Variants in RHBDD1 observed in about 807,000 individuals in gnomAD.
RHBDD1 encodes the protein rhomboid domain containing 1.
A neutral mutation model predicts 36.3 loss-of-function variants in RHBDD1; 38 were observed. That is an observed-to-expected ratio of 1.05 (90% CI 0.81 to 1.37). RHBDD1 has a LOEUF of 1.37. Among genes scored for constraint, RHBDD1 ranks in the 40% most tolerant of loss-of-function variants. The pLI, the probability that RHBDD1 is intolerant of heterozygous loss-of-function variation, is 0.00. For synonymous variants in RHBDD1, 151 were observed against 136.5 expected (o/e 1.11, Z -0.74); for missense variants, 393 against 377.6 (o/e 1.04, Z -0.34).
chr2:226,947,611 T>C (rs1951075983), intron 8 of RHBDD1, among the ~76,000 whole-genome samples: 1 of 152,156 alleles, frequency 6.6e-6, no homozygotes, highest in South Asian at 2.1e-4. Flanking sequence ...CATATGAACT[T>C]TAAAGTAGTT....
chr2:226,944,289 G>A (rs577162677), intron 8 of RHBDD1, among the ~76,000 whole-genome samples: 1 of 152,230 alleles, frequency 6.6e-6, no homozygotes, highest in African/African-American at 2.4e-5. Context: ...TTTTTAAAAC[G>A]AAAATAAAAA....
chr2:226,892,300 A>G (rs982669233), intron 5 of RHBDD1, among the ~76,000 whole-genome samples: 15 of 152,202 alleles, frequency 9.9e-5, no homozygotes, highest in African/African-American at 3.6e-4. Context: ...TCTGTTTTTC[A>G]TAGTCAGAAT....
At position 226,865,017 on chromosome 2, in the gene RHBDD1, C is replaced by G; in HGVS notation, c.324C>G (p.Ile108Met). Residue 108 changes from isoleucine to methionine, a missense_variant, in exon 4 of 9, where the codon ATC becomes ATG. Ile to Met is a conservative substitution (Grantham distance 10, BLOSUM62 1). Transcript: ENST00000392062. ...GAAGTAGATGGTTTGCCTATGTTAT[C>G]ACCGCATTTTCTGTACTTACTGGAG... is the stretch of plus-strand genomic sequence containing the variant. ...RLGSRWFAYV[I>M]TAFSVLTGVV... The G allele has an allele frequency of 6.2e-7, 1 of 1,614,194 alleles. No individual in the cohort carries two copies. Among genetic ancestry groups the G allele is most frequent in the Non-Finnish European group, 8.5e-7 (1 of 1,180,020 alleles).
At chr2:226,918,623 G>A (rs1019036756) in intron 8 of RHBDD1, among the ~76,000 whole-genome samples, 1 of 151,954 alleles carries the variant, frequency 6.6e-6, no homozygotes, top group Non-Finnish European at 1.5e-5. Flanking sequence ...TTCCATCTAC[G>A]TTGTTGCAAA....
At chr2:226,941,027 A>T (rs1193537494) in intron 8 of RHBDD1, among the ~76,000 whole-genome samples, 1 of 142,212 alleles carries the variant, frequency 7.0e-6, no homozygotes, top group Non-Finnish European at 1.5e-5. Context: ...GCTCACTGCA[A>T]CCTCCACCTC....
intron 3 of RHBDD1, among the ~76,000 whole-genome samples, chr2:226,840,268 A>G (rs979101465): frequency 2.6e-5 from 4 of 152,190 alleles, no homozygotes; most frequent in African/African-American, 9.6e-5. Context: ...AATCTATCAA[A>G]TTTCTGGGAA....
chr2:226,944,168 T>C (rs914648598), intron 8 of RHBDD1, among the ~76,000 whole-genome samples: 14 of 152,356 alleles, frequency 9.2e-5, no homozygotes, highest in Non-Finnish European at 2.1e-4. Flanking sequence ...GCAATGGCTG[T>C]GCAGGATGTT....
At position 226,940,953 on chromosome 2, in the gene RHBDD1, T is replaced by TC. The variant is rs201874643; in HGVS notation, c.856+26602_856+26603insC. ...TTAGACTCACATTTTCTTTTTCCTT[T>TC]TTTTTTTTTTTGAGATGGAATCTCG... On this transcript the variant is annotated intron_variant, in intron 8 of 8. Transcript: ENST00000392062. 6.0e-3 allele frequency among the ~76,000 whole-genome samples: 900 copies of TC among 150,806 alleles called. 17 individuals carry two copies. The highest frequency in any genetic ancestry group is 4.5e-3 in the Non-Finnish European group (301 of 67,618).
At chr2:226,869,015 A>G (rs1383856563) in intron 5 of RHBDD1, 1 of 220,034 alleles carries the variant, frequency 4.5e-6, no homozygotes, top group African/African-American at 2.3e-5. Flanking sequence ...CAACACCCAC[A>G]TTCATATGAA....
intron 3 of RHBDD1, among the ~76,000 whole-genome samples, chr2:226,852,900 A>ATTT (rs1553543374): frequency 6.6e-5 from 7 of 105,750 alleles, no homozygotes; most frequent in South Asian, 3.1e-4. Context: ...CACCTGGCTA[A>ATTT]TTTATTATTA....
At chr2:226,857,453 T>C (rs1943447840) in intron 3 of RHBDD1, among the ~76,000 whole-genome samples, 1 of 152,110 alleles carries the variant, frequency 6.6e-6, no homozygotes, top group South Asian at 2.1e-4. Context: ...CCCAGAGAAC[T>C]GAAAACATGT....
At chr2:226,857,449 G>T (rs1270815897) in intron 3 of RHBDD1, among the ~76,000 whole-genome samples, 1 of 151,978 alleles carries the variant, frequency 6.6e-6, no homozygotes, top group Non-Finnish European at 1.5e-5. Flanking sequence ...ATACCCCAGA[G>T]AACTGAAAAC....
chr2:226,864,429 G>A (rs570270707), intron 3 of RHBDD1, among the ~76,000 whole-genome samples, 175 bp from the exon 4 acceptor site: 6 of 152,304 alleles, frequency 3.9e-5, no homozygotes, highest in African/African-American at 1.4e-4. Context: ...AATGTAAAAT[G>A]AAGGAAGGGT....
intron 3 of RHBDD1, among the ~76,000 whole-genome samples, chr2:226,858,950 CAG>C (rs921467671): frequency 6.6e-5 from 10 of 152,076 alleles, no homozygotes; most frequent in African/African-American, 2.4e-4. Context: ...TTAAATGGAT[CAG>C]AGATTTATTT....
the RHBDD1 span, among the ~76,000 whole-genome samples, chr2:226,807,861 A>T: frequency 1.3e-5 from 2 of 152,146 alleles, no homozygotes; most frequent in Middle Eastern, 3.2e-3. Context: ...GCACTTTGGG[A>T]GGCCGAGGCG....
chr2:226,925,753 A>G (rs1353721038), intron 8 of RHBDD1, among the ~76,000 whole-genome samples: 1 of 152,230 alleles, frequency 6.6e-6, no homozygotes, highest in East Asian at 1.9e-4. Context: ...TGTGCTGTTC[A>G]AAACATTCAT....
At chr2:226,931,294 T>C (rs924840674) in intron 8 of RHBDD1, among the ~76,000 whole-genome samples, 2 of 152,090 alleles carry the variant, frequency 1.3e-5, no homozygotes, top group Non-Finnish European at 2.9e-5. Context: ...CACCATGGAA[T>C]GCTACTCAGC....
chr2:226,956,026 C>T (rs555521754), intron 8 of RHBDD1, among the ~76,000 whole-genome samples: 13 of 152,264 alleles, frequency 8.5e-5, no homozygotes, highest in African/African-American at 3.1e-4. Flanking sequence ...CCCATGACAG[C>T]CCTATGAAGT....
intron 5 of RHBDD1, among the ~76,000 whole-genome samples, chr2:226,885,905 TG>T (rs1669119513): frequency 6.6e-6 from 1 of 152,150 alleles, no homozygotes; most frequent in Non-Finnish European, 1.5e-5. Flanking sequence ...GGCTGTTAAG[TG>T]ACGAATGGGC....
Sources: allele counts gnomAD v4.1 joint callset (sites outside exome capture counted in the v4.1 genomes callset), GRCh38; gene constraint gnomAD v4.1.1; transcripts MANE v1.5; gene names NCBI Gene and HGNC (gene_info 2026-07-23, HGNC 2026-07-21).